The following RBBP6 variants were observed in gnomAD, a reference collection of about 807,000 sequenced individuals.
RBBP6 encodes RB binding protein 6, ubiquitin ligase, also known as E3 ubiquitin-protein ligase RBBP6.
A neutral mutation model predicts 167.7 loss-of-function variants in RBBP6; 25 were observed. That is an observed-to-expected ratio of 0.15 (90% CI 0.11 to 0.21). RBBP6 has a LOEUF of 0.21. Among genes scored for constraint, RBBP6 ranks in the 10% least tolerant of loss-of-function variants. RBBP6 has a pLI of 1.00. For synonymous variants in RBBP6, 789 were observed against 735.8 expected (o/e 1.07, Z -1.17); for missense variants, 1,868 against 2,134.2 (o/e 0.88, Z 2.46).
At position 24,561,606 on chromosome 16, in the gene RBBP6, A is replaced by G. The variant is rs780982794; in HGVS notation, c.848-6A>G. The G allele has an allele frequency of 1.9e-6, 3 of 1,604,948 alleles. No individual in the cohort carries two copies. Among genetic ancestry groups the G allele is most frequent in the African/African-American group, 1.3e-5 (1 of 74,600 alleles). On this transcript the variant is annotated splice_region_variant and splice_polypyrimidine_tract_variant and intron_variant, in intron 8 of 17. Transcript: ENST00000319715. ...CTTTTATTAATATTTGAAATCTTAT[A>G]CATAGGTATAAGAACAGCACTCCTG...
chr16:24,570,934 C>G lies in RBBP6; in HGVS notation c.3868C>G (p.Arg1290Gly). 6.3e-7 allele frequency: 1 copy of G among 1,597,640 alleles called. No homozygotes were observed. ...ATCTGAAGAAAAAACAGATACAAAG[C>G]GAACTGTGATTAAAACGATGGAAGA... The part of the protein sequence containing the change: ...RKSEEKTDTK[R>G]TVIKTMEEYN... Residue 1290 changes from arginine to glycine, a missense_variant, in exon 18 of 18, where the codon CGA (arginine) becomes GGA (glycine). By Grantham distance (125) the Arg-to-Gly change is moderately radical (BLOSUM62 -2). Coordinates refer to ENST00000319715, the MANE Select transcript of RBBP6 (RefSeq NM_006910.5).
chr16:24,571,230 G>A lies in RBBP6; in HGVS notation c.4164G>A (p.Glu1388=). The change falls in exon 18 of 18, where the codon GAG becomes GAA. Residue 1388 remains glutamate, a synonymous_variant. Coordinates refer to ENST00000319715, the MANE Select transcript of RBBP6 (RefSeq NM_006910.5). The part of the protein sequence containing the change: ...KDVSHEIIQH[E]VKSSKNSASS... ...TGAGCCATGAAATCATACAACATGAGGTTAAAAGTTCAAAAAACTCTGCAT... is the reference window on the plus strand; with the variant it reads ...TGAGCCATGAAATCATACAACATGAAGTTAAAAGTTCAAAAAACTCTGCAT... The A allele has an allele frequency of 1.2e-6, 2 of 1,612,630 alleles. No homozygotes were observed. Among genetic ancestry groups the A allele is most frequent in the Non-Finnish European group, 1.7e-6 (2 of 1,179,676 alleles).
Position 24,571,015 on chromosome 16 carries a change from C to T in RBBP6, c.3949C>T (p.Pro1317Ser). 6.2e-7 allele frequency: 1 copy of T among 1,612,714 alleles called. No homozygotes were observed. The highest frequency in any genetic ancestry group is 2.2e-5 in the East Asian group (1 of 44,836). The change falls in exon 18 of 18, where the codon CCT becomes TCT. Residue 1317 changes from proline to serine, a missense_variant. By Grantham distance (74) the Pro-to-Ser change is moderately conservative. Transcript: ENST00000319715. The stretch of plus-strand genomic sequence containing the variant: ...AGATGTTATCATTATGATTCAGGTT[C>T]CTCAATCCAAATGGGATAAAGATGA... ...AEDVIIMIQV[P>S]QSKWDKDDFE...
At chr16:24,555,104 A>C (rs1898883213) in intron 4 of RBBP6, 1 of 152,482 alleles carries the variant, frequency 6.6e-6, no homozygotes, top group East Asian at 1.9e-4. Flanking sequence ...AACTTATCTG[A>C]AGAGTTTAAT....
At chr16:24,544,864 C>T (rs76354354) in intron 1 of RBBP6, among the ~76,000 whole-genome samples, 2,798 of 152,220 alleles carry the variant, frequency 0.018, 102 homozygotes, top group African/African-American at 0.064. Context: ...CCAGGGATTC[C>T]TCTGGCCTGA....
At chr16:24,555,800 A>G in intron 5 of RBBP6, 21 bp from the exon 6 acceptor site, 1 of 1,589,954 alleles carries the variant, frequency 6.3e-7, no homozygotes, top group South Asian at 1.1e-5. Flanking sequence ...GTATACATGT[A>G]ATTTTTTTTC....
At chr16:24,541,448 GTAGT>G (rs558080672) in intron 1 of RBBP6, among the ~76,000 whole-genome samples, 7 of 152,184 alleles carry the variant, frequency 4.6e-5, no homozygotes, top group Non-Finnish European at 1.0e-4. Context: ...CGGCAATTAA[GTAGT>G]TAAACTGTTA....
intron 3 of RBBP6, among the ~76,000 whole-genome samples, chr16:24,551,646 A>G (rs1293069957): frequency 6.6e-6 from 1 of 151,776 alleles, no homozygotes; most frequent in Admixed American, 6.6e-5. Flanking sequence ...AACAAAAAGG[A>G]TACTATATCT....
Position 24,568,072 on chromosome 16 carries a change from A to G in RBBP6, c.2054+179A>G, listed in dbSNP as rs577156613. ...TTCATTGAAATAATGTCTCAGTGTA[A>G]ATTTTATTGTGTAGAACTAACAGTT... On this transcript the variant is annotated intron_variant, in intron 16 of 17. Transcript: ENST00000319715. 3.3e-5 allele frequency among the ~76,000 whole-genome samples: 5 copies of G among 152,298 alleles called. No individual in the cohort carries two copies. The East Asian group carries it at 9.6e-4, about 29-fold the overall frequency.
At chr16:24,553,009 C>A (rs946166249) in intron 3 of RBBP6, 1 of 151,834 alleles carries the variant, frequency 6.6e-6, no homozygotes, top group South Asian at 2.1e-4. Flanking sequence ...AGAGAATAAA[C>A]AAACTTACTC....
At chr16:24,544,839 A>T (rs1378408665) in intron 1 of RBBP6, among the ~76,000 whole-genome samples, 1 of 152,142 alleles carries the variant, frequency 6.6e-6, no homozygotes, top group Non-Finnish European at 1.5e-5. Context: ...TTATCCGATG[A>T]CTGAAGCCAG....
intron 3 of RBBP6, among the ~76,000 whole-genome samples, chr16:24,552,087 T>A (rs1237554473): frequency 6.6e-6 from 1 of 151,664 alleles, no homozygotes. Flanking sequence ...GGTTAGTGCA[T>A]CATGAACTCT....
At chr16:24,541,469 C>G (rs979649310) in intron 1 of RBBP6, among the ~76,000 whole-genome samples, 6 of 152,104 alleles carry the variant, frequency 3.9e-5, no homozygotes, top group East Asian at 3.9e-4. Flanking sequence ...GTTAGTTCAT[C>G]ACATTACTCT....
intron 8 of RBBP6, among the ~76,000 whole-genome samples, chr16:24,561,396 T>G (rs1181208370): frequency 6.6e-6 from 1 of 152,136 alleles, no homozygotes; most frequent in Non-Finnish European, 1.5e-5. Context: ...CAGCTGTGAC[T>G]TCTTTTTAGC....
At chr16:24,546,400 T>G in intron 2 of RBBP6, 138 bp downstream of exon 2, 4 of 1,086,442 alleles carry the variant, frequency 3.7e-6, no homozygotes, top group Non-Finnish European at 4.7e-6. Context: ...GTGAGGATAG[T>G]AGGTTTCTTT....
chr16:24,571,884 A>C lies in RBBP6; in HGVS notation c.4818A>C (p.Gln1606His). 1 of 1,614,164 alleles carries C rather than the reference A, an allele frequency of 6.2e-7. No homozygotes were observed. Among genetic ancestry groups the C allele is most frequent in the Non-Finnish European group, 8.5e-7 (1 of 1,180,002 alleles). ...TQVEKEQITG[Q>H]IDKSTVKPKP... ...TTGAAAAAGAGCAAATTACTGGGCA[A>C]ATTGACAAGAGTACTGTCAAGCCTA... The change falls in exon 18 of 18, where the codon CAA becomes CAC. Residue 1606 changes from glutamine (Q) to histidine (H), a missense_variant. Gln to His is a conservative substitution (Grantham distance 24). This residue lies in a region of RBBP6 where 591 missense variants were observed against 540.5 expected (regional missense o/e 1.09). Transcript: ENST00000319715.
At chr16:24,570,791 TAA>T in intron 17 of RBBP6, 83 bp from the exon 18 acceptor site, 3 of 1,135,570 alleles carry the variant, frequency 2.6e-6, no homozygotes, top group Non-Finnish European at 3.5e-6. Context: ...CATTTGTGTT[TAA>T]GTTAGCATTT....
At chr16:24,547,826 G>A (rs1174110428) in intron 2 of RBBP6, among the ~76,000 whole-genome samples, 1 of 152,172 alleles carries the variant, frequency 6.6e-6, no homozygotes, top group East Asian at 1.9e-4. Context: ...AATTTACCAA[G>A]TGCTTTTTAA....
chr16:24,567,542 T>A, intron 15 of RBBP6, 37 bp downstream of exon 15: 1 of 1,546,790 alleles, frequency 6.5e-7, no homozygotes, highest in Non-Finnish European at 8.7e-7. Flanking sequence ...TACACTTTTT[T>A]CATTTTCTGA....
Sources: gnomAD v4.1 joint callset for allele counts (sites outside exome capture counted in the v4.1 genomes callset) on GRCh38, gnomAD v4.1.1 for gene constraint, gnomAD v4.1.1 regional missense constraint, MANE v1.5 for transcripts, NCBI Gene and HGNC (gene_info 2026-07-23, HGNC 2026-07-21) for gene names.